The following TENM3 variants were observed in gnomAD, a reference collection of about 807,000 sequenced individuals.
TENM3 encodes the protein teneurin transmembrane protein 3.
A neutral mutation model predicts 255.1 loss-of-function variants in TENM3; 63 were observed. That is an observed-to-expected ratio of 0.25 (90% CI 0.20 to 0.30). The LOEUF is 0.30. TENM3 is among the 10% of genes least tolerant of loss of function. The pLI, the probability that TENM3 is intolerant of heterozygous loss-of-function variation, is 1.00. For missense variants in TENM3, 2,929 were observed against 3,461.1 expected, an observed-to-expected ratio of 0.85 and a Z score of 3.86; for synonymous variants, 1,306 against 1,322.3, an observed-to-expected ratio of 0.99 and a Z score of 0.27.
At chr4:182,067,971 A>G in the TENM3 span, among the ~76,000 whole-genome samples, 2 of 152,072 alleles carry the variant, frequency 1.3e-5, no homozygotes, top group African/African-American at 4.8e-5. Flanking sequence ...GCCAGGAAAG[A>G]GAACTAGCGA....
chr4:182,582,978 T>C (rs1012079318), intron 3 of TENM3, among the ~76,000 whole-genome samples: 1 of 152,224 alleles, frequency 6.6e-6, no homozygotes, highest in Admixed American at 6.5e-5. Context: ...TAATTTTAAA[T>C]GTGCAGTTAT....
intron 3 of TENM3, among the ~76,000 whole-genome samples, chr4:182,439,284 C>T (rs1035074903): frequency 1.3e-5 from 2 of 152,206 alleles, no homozygotes; most frequent in African/African-American, 4.8e-5. Context: ...TTAGAGAACT[C>T]TCTTCTCCTA....
chr4:182,612,107 A>G (rs533836397), intron 4 of TENM3, among the ~76,000 whole-genome samples: 1 of 151,776 alleles, frequency 6.6e-6, no homozygotes, highest in African/African-American at 2.4e-5. Context: ...GTCTCTACTA[A>G]AAATACAAAA....
the TENM3 span, among the ~76,000 whole-genome samples, chr4:182,093,081 T>C: frequency 6.6e-6 from 1 of 152,278 alleles, no homozygotes; most frequent in South Asian, 2.1e-4. Context: ...AAAATCTCCC[T>C]GAAAATAATT....
At chr4:182,285,081 C>T (rs1254655524) in intron 1 of TENM3, among the ~76,000 whole-genome samples, 1 of 152,080 alleles carries the variant, frequency 6.6e-6, no homozygotes, top group Non-Finnish European at 1.5e-5. Flanking sequence ...GACACAGCCA[C>T]GCGGTTATCT....
rs908982454 is a variant in TENM3, at chr4:182,677,634, A to C, written c.1327-2032A>C. Among the ~76,000 whole-genome samples, 5 of 152,304 alleles carry C rather than the reference A, an allele frequency of 3.3e-5. No homozygotes were observed. In the East Asian group the frequency reaches 9.6e-4, roughly 29 times the overall value. ...ATTTTATAGGTCATGTATCCACACC[A>C]GTCAGTATTTTCATCCTTATAAGGT... is the stretch of plus-strand genomic sequence containing the variant. On this transcript the variant is annotated intron_variant, in intron 7 of 27. Coordinates refer to ENST00000511685, the MANE Select transcript of TENM3 (RefSeq NM_001080477.4).
the TENM3 span, among the ~76,000 whole-genome samples, chr4:182,056,238 G>T: frequency 1.3e-5 from 2 of 152,102 alleles, no homozygotes; most frequent in Non-Finnish European, 2.9e-5. Flanking sequence ...AAGACTAACT[G>T]TATGCAGCTC....
intron 1 of TENM3, among the ~76,000 whole-genome samples, chr4:182,147,203 A>G (rs2149562924): frequency 6.6e-6 from 1 of 152,346 alleles, no homozygotes; most frequent in Non-Finnish European, 1.5e-5. Context: ...AGCAGGAAGA[A>G]GCGCGTGGCT....
rs976472483 is a variant in TENM3, at chr4:182,228,433, G to C, written c.-76+83679G>C. ...CCAGCTCTAAAATTTGCAACTCCAA[G>C]GTTGCATGTTGGAAATTGGACAACT... On this transcript the variant is annotated intron_variant, in intron 1 of 2. Transcript: ENST00000512480. Among the ~76,000 whole-genome samples the C allele has an allele frequency of 5.2e-5, 7 of 135,282 alleles. No individual in the cohort carries two copies. The East Asian group carries it at 9.8e-4, about 19-fold the overall frequency. The allele number at this position is 135,282 out of a possible 152,430, so 88.8% of individuals were successfully genotyped here.
chr4:182,174,175 C>A (rs1329106986), intron 1 of TENM3, among the ~76,000 whole-genome samples: 1 of 152,000 alleles, frequency 6.6e-6, no homozygotes, highest in Non-Finnish European at 1.5e-5. Context: ...CGGGAAATTT[C>A]TCTTTATCCA....
the TENM3 span, among the ~76,000 whole-genome samples, chr4:182,052,115 T>C: frequency 6.6e-6 from 1 of 152,090 alleles, no homozygotes; most frequent in African/African-American, 2.4e-5. Flanking sequence ...TAACCCCAAA[T>C]GTCAGTGGTG....
At chr4:181,621,692 A>G in the TENM3 span, among the ~76,000 whole-genome samples, 2 of 152,202 alleles carry the variant, frequency 1.3e-5, no homozygotes, top group Non-Finnish European at 2.9e-5. Flanking sequence ...TCAGAATTGT[A>G]TCATTTATAA....
At chr4:182,444,441 C>T (rs1344136997) in intron 3 of TENM3, among the ~76,000 whole-genome samples, 2 of 151,910 alleles carry the variant, frequency 1.3e-5, no homozygotes, top group East Asian at 1.9e-4. Context: ...TATATATTTA[C>T]AAATAAAGGT....
At chr4:181,587,500 G>A in the TENM3 span, among the ~76,000 whole-genome samples, 3 of 152,092 alleles carry the variant, frequency 2.0e-5, no homozygotes, top group Non-Finnish European at 4.4e-5. Flanking sequence ...CTACCTTAGC[G>A]CCTGATATTT....
chr4:181,819,851 A>G, the TENM3 span, among the ~76,000 whole-genome samples: 4 of 152,192 alleles, frequency 2.6e-5, no homozygotes, highest in African/African-American at 9.7e-5. Flanking sequence ...GCTGGAGACC[A>G]GTACCATTTC....
chr4:182,202,727 CAG>C (rs373483487), intron 1 of TENM3, among the ~76,000 whole-genome samples: 2 of 151,292 alleles, frequency 1.3e-5, no homozygotes, highest in Admixed American at 6.6e-5. Flanking sequence ...CAGAATGTGG[CAG>C]AGAGAGAGAG....
At chr4:181,626,595 A>C in the TENM3 span, among the ~76,000 whole-genome samples, 2 of 152,042 alleles carry the variant, frequency 1.3e-5, no homozygotes, top group Non-Finnish European at 2.9e-5. Flanking sequence ...ACGCTCTTTT[A>C]AACAACCAGA....
At chr4:181,979,143 T>TATAC in the TENM3 span, among the ~76,000 whole-genome samples, 5 of 103,810 alleles carry the variant, frequency 4.8e-5, no homozygotes, top group South Asian at 3.2e-4. Context: ...TATATATATA[T>TATAC]ATATATATAT....
At chr4:181,863,505 G>A in the TENM3 span, among the ~76,000 whole-genome samples, 2 of 152,120 alleles carry the variant, frequency 1.3e-5, no homozygotes, top group Non-Finnish European at 2.9e-5. Context: ...TAGGCAAAAA[G>A]TTAATGGTTC....
Sources: allele counts gnomAD v4.1 joint callset (sites outside exome capture counted in the v4.1 genomes callset), GRCh38; gene constraint gnomAD v4.1.1; transcripts MANE v1.5; gene names NCBI Gene and HGNC (gene_info 2026-07-23, HGNC 2026-07-21).